The following ACAP2 variants were observed in gnomAD, a reference collection of about 807,000 sequenced individuals.
ACAP2 encodes the protein arf-GAP with coiled-coil, ANK repeat and PH domain-containing protein 2.
ACAP2 carries 39 observed loss-of-function variants against 115.8 expected under a neutral mutation model. The ratio of observed to expected loss-of-function variants is 0.34; its 90% confidence interval spans 0.26 to 0.44. The LOEUF (loss-of-function observed/expected upper bound fraction) is 0.44. Among genes scored for constraint, ACAP2 ranks in the 20% least tolerant of loss-of-function variants. ACAP2 has a pLI of 1.00. For missense variants in ACAP2, 662 were observed against 927.6 expected, an observed-to-expected ratio of 0.71 and a Z score of 3.72; for synonymous variants, 289 against 315.8, an observed-to-expected ratio of 0.92 and a Z score of 0.90.
Position 195,345,255 on chromosome 3 carries a change from T to C in ACAP2, c.344+4A>G. ...TTCTTTCCTCTTCACCGCAATTGAC[T>C]TACTCTTTAACAAAGTTCTGAAGCT... On this transcript the variant is annotated splice_donor_region_variant and intron_variant, in intron 5 of 22. Coordinates refer to ENST00000326793, the MANE Select transcript of ACAP2 (RefSeq NM_012287.6). The C allele has an allele frequency of 6.2e-7, 1 of 1,606,312 alleles. No individual in the cohort carries two copies. The highest frequency in any genetic ancestry group is 8.5e-7 in the Non-Finnish European group (1 of 1,173,738).
intron 10 of ACAP2, among the ~76,000 whole-genome samples, chr3:195,311,376 C>T (rs1322504114): frequency 1.3e-5 from 2 of 152,016 alleles, no homozygotes; most frequent in African/African-American, 2.4e-5. Flanking sequence ...GGACTACAGG[C>T]GTGAGCCACC....
intron 4 of ACAP2, among the ~76,000 whole-genome samples, chr3:195,348,476 G>A (rs1054705767): frequency 3.9e-5 from 6 of 151,924 alleles, no homozygotes; most frequent in Non-Finnish European, 5.9e-5. Context: ...AAAATCTATC[G>A]GAAAATCTAT....
At chr3:195,346,765 C>T (rs551489911) in intron 4 of ACAP2, among the ~76,000 whole-genome samples, 7 of 152,214 alleles carry the variant, frequency 4.6e-5, no homozygotes, top group African/African-American at 1.7e-4. Context: ...ATAGAAAATA[C>T]CCAAATGTCT....
chr3:195,425,074 G>C (rs569276048), intron 1 of ACAP2, among the ~76,000 whole-genome samples: 3 of 142,482 alleles, frequency 2.1e-5, no homozygotes, highest in Admixed American at 7.1e-5. Flanking sequence ...GAGGTAGCAG[G>C]ATATCAAACA....
intron 15 of ACAP2, among the ~76,000 whole-genome samples, chr3:195,300,937 G>A (rs1343614836): frequency 6.6e-6 from 1 of 152,134 alleles, no homozygotes; most frequent in Non-Finnish European, 1.5e-5. Flanking sequence ...AGGATTCTTT[G>A]AGCCAAGGAA....
At chr3:195,381,443 T>C (rs927519050) in intron 3 of ACAP2, among the ~76,000 whole-genome samples, 2 of 152,126 alleles carry the variant, frequency 1.3e-5, no homozygotes, top group Non-Finnish European at 2.9e-5. Context: ...ATGAAAGAAA[T>C]ATAACACCAC....
intron 11 of ACAP2, 149 bp downstream of exon 11, chr3:195,308,637 T>C (rs1728565205): frequency 1.6e-6 from 1 of 644,996 alleles, no homozygotes; most frequent in Non-Finnish European, 2.6e-6. Flanking sequence ...TTTTCCACCC[T>C]AGAGTCCTCT....
chr3:195,290,503 A>G (rs1283245543), intron 20 of ACAP2, among the ~76,000 whole-genome samples: 1 of 152,152 alleles, frequency 6.6e-6, no homozygotes, highest in African/African-American at 2.4e-5. Flanking sequence ...AGAAGAAAAC[A>G]AGCCATGATA....
chr3:195,328,193 CAT>C (rs1729924897), intron 8 of ACAP2, among the ~76,000 whole-genome samples: 1 of 152,032 alleles, frequency 6.6e-6, no homozygotes, highest in Admixed American at 6.5e-5. Context: ...ATGATTAACA[CAT>C]GTTCGATAAG....
intron 4 of ACAP2, among the ~76,000 whole-genome samples, chr3:195,369,606 G>GCA (rs1577369453): frequency 6.6e-6 from 1 of 152,156 alleles, no homozygotes; most frequent in East Asian, 1.9e-4. Flanking sequence ...TTTTATGGCT[G>GCA]CACAGTATTC....
intron 4 of ACAP2, among the ~76,000 whole-genome samples, chr3:195,368,855 G>A (rs927278284): frequency 2.0e-5 from 3 of 152,138 alleles, no homozygotes; most frequent in African/African-American, 7.2e-5. Context: ...AGGCCAAGGC[G>A]GGTGAATCAC....
chr3:195,289,575 C>T (rs965929229), intron 20 of ACAP2, among the ~76,000 whole-genome samples: 3 of 151,470 alleles, frequency 2.0e-5, no homozygotes, highest in Non-Finnish European at 2.9e-5. Context: ...CCAAGGTGTG[C>T]GGATCACAAA....
At chr3:195,435,166 C>T (rs1220081042) in intron 1 of ACAP2, among the ~76,000 whole-genome samples, 1 of 135,396 alleles carries the variant, frequency 7.4e-6, no homozygotes, top group African/African-American at 2.8e-5. Context: ...TGAAGATTAG[C>T]TACTATTTTG....
chr3:195,425,344 C>A (rs893546563), intron 1 of ACAP2, among the ~76,000 whole-genome samples: 3 of 152,144 alleles, frequency 2.0e-5, no homozygotes, highest in African/African-American at 7.2e-5. Context: ...TTTTGCAATT[C>A]ATCAATTGTA....
chr3:195,359,530 T>G (rs1467884043), intron 4 of ACAP2, among the ~76,000 whole-genome samples: 1 of 152,188 alleles, frequency 6.6e-6, no homozygotes, highest in African/African-American at 2.4e-5. Context: ...TGCAGTGGCG[T>G]GATCTCTGCT....
intron 4 of ACAP2, among the ~76,000 whole-genome samples, chr3:195,369,040 T>C (rs943035114): frequency 1.1e-4 from 17 of 150,298 alleles, no homozygotes; most frequent in Non-Finnish European, 2.1e-4. Context: ...GCTGAGATCG[T>C]GCCACTGCAC....
chr3:195,408,146 A>C (rs908080913), intron 1 of ACAP2, among the ~76,000 whole-genome samples: 35 of 152,182 alleles, frequency 2.3e-4, no homozygotes, highest in African/African-American at 8.2e-4. Context: ...AACTAGTAAA[A>C]AGATTGAATC....
chr3:195,374,705 C>CCTTTTCTTTTCTTTT lies in ACAP2; in HGVS notation c.285+6289_285+6303dup, dbSNP rs60052147. Among the ~76,000 whole-genome samples, 711 of 151,026 alleles carry CCTTTTCTTTTCTTTT rather than the reference C, an allele frequency of 4.7e-3. 3 individuals carry two copies. The highest frequency in any genetic ancestry group is 0.02 in the East Asian group (98 of 4,948). ...GCTTGAAAATATTTCATGCAGAAGA[C>CCTTTTCTTTTCTTTT]CTTTTCTTTTCTTTTCTTTTCTTTT... On this transcript the variant is annotated intron_variant, in intron 4 of 22. Transcript: ENST00000326793.
chr3:195,350,471 AC>A (rs113358094), intron 4 of ACAP2, among the ~76,000 whole-genome samples: 13 of 151,444 alleles, frequency 8.6e-5, no homozygotes, highest in African/African-American at 3.2e-4. Context: ...ACAAAGTGAG[AC>A]CCCCCAATCT....
Sources: allele counts gnomAD v4.1 joint callset (sites outside exome capture counted in the v4.1 genomes callset), GRCh38; gene constraint gnomAD v4.1.1; transcripts MANE v1.5; gene names NCBI Gene and HGNC (gene_info 2026-07-23, HGNC 2026-07-21).